Variants in CLXN observed in about 807,000 individuals in gnomAD.
CLXN encodes EF-hand calcium binding domain 1.
the CLXN span, chr8:48,712,462 A>G: frequency 6.6e-6 from 1 of 152,288 alleles, no homozygotes. Flanking sequence ...GTGTGGAGCA[A>G]AACAGAAAAG....
At chr8:48,732,609 A>C in the CLXN span, among the ~76,000 whole-genome samples, 1 of 152,212 alleles carries the variant, frequency 6.6e-6, no homozygotes, top group African/African-American at 2.4e-5. Context: ...TGCGTGATCC[A>C]GGAATTCTAC....
At chr8:48,735,058 G>A in the CLXN span, 7 of 1,612,978 alleles carry the variant, frequency 4.3e-6, no homozygotes, top group African/African-American at 6.7e-5. Context: ...CTCGGTCCAG[G>A]AGCCTCGGCC....
At chr8:48,726,718 C>T in the CLXN span, among the ~76,000 whole-genome samples, 3 of 140,638 alleles carry the variant, frequency 2.1e-5, no homozygotes, top group Non-Finnish European at 4.6e-5. Flanking sequence ...CACCTACCTA[C>T]CTCACCCATC....
the CLXN span, among the ~76,000 whole-genome samples, chr8:48,729,458 T>A: frequency 6.6e-6 from 1 of 151,196 alleles, no homozygotes; most frequent in African/African-American, 2.4e-5. Flanking sequence ...AAGAGTTTGA[T>A]GATGCAGTGA....
chr8:48,722,762 C>A, the CLXN span, among the ~76,000 whole-genome samples: 7 of 65,854 alleles, frequency 1.1e-4, no homozygotes, highest in African/African-American at 4.1e-4. Context: ...CCTGTCTCCC[C>A]ATTACACACA....
At chr8:48,735,286 T>A in the CLXN span, 2 of 998,154 alleles carry the variant, frequency 2.0e-6, no homozygotes, top group African/African-American at 1.6e-5. Flanking sequence ...TGCGCGGCCC[T>A]AACAGACGGT....
the CLXN span, chr8:48,730,054 C>T: frequency 2.1e-6 from 1 of 469,700 alleles, no homozygotes; most frequent in Non-Finnish European, 3.6e-6. Flanking sequence ...AAAATATTTC[C>T]TGATTCTCAA....
chr8:48,724,735 T>G, the CLXN span: 1 of 1,604,720 alleles, frequency 6.2e-7, no homozygotes, highest in Non-Finnish European at 8.5e-7. Context: ...TATAGACATT[T>G]AGTTATTCAC....
At chr8:48,734,071 T>A in the CLXN span, among the ~76,000 whole-genome samples, 8,233 of 152,206 alleles carry the variant, frequency 0.054, 340 homozygotes, top group African/African-American at 0.11. Context: ...ACCATAATAT[T>A]CATTTATATC....
chr8:48,726,484 T>TCATC, the CLXN span, among the ~76,000 whole-genome samples: 27,412 of 105,080 alleles, frequency 0.26, 3,436 homozygotes, highest in Middle Eastern at 0.39. Flanking sequence ...ATCCATCCAT[T>TCATC]CATCCATCCA....
the CLXN span, among the ~76,000 whole-genome samples, chr8:48,731,799 C>T: frequency 6.7e-4 from 102 of 152,210 alleles, 1 homozygote; most frequent in African/African-American, 2.2e-3. Context: ...AGTAGAAATA[C>T]GTCTCAAAAT....
chr8:48,718,068 G>A, the CLXN span, among the ~76,000 whole-genome samples: 1 of 152,132 alleles, frequency 6.6e-6, no homozygotes, highest in African/African-American at 2.4e-5. Flanking sequence ...GAAAGATCCA[G>A]CAATACGCTG....
chr8:48,718,132 G>A, the CLXN span, among the ~76,000 whole-genome samples: 22 of 152,060 alleles, frequency 1.4e-4, no homozygotes, highest in Non-Finnish European at 2.2e-4. Context: ...AAAGTTAAAG[G>A]ATGGAAAAAG....
the CLXN span, chr8:48,723,551 G>C: frequency 6.6e-6 from 1 of 152,156 alleles, no homozygotes; most frequent in Non-Finnish European, 1.5e-5. Flanking sequence ...TTTAGATGAG[G>C]ATAGAACAGA....
the CLXN span, among the ~76,000 whole-genome samples, chr8:48,730,953 A>T: frequency 6.6e-6 from 1 of 152,128 alleles, no homozygotes; most frequent in African/African-American, 2.4e-5. Context: ...TATGAATATA[A>T]ATAAAATACT....
chr8:48,731,480 G>A, the CLXN span: 82 of 1,608,170 alleles, frequency 5.1e-5, no homozygotes, highest in Non-Finnish European at 6.7e-5. Flanking sequence ...AGCTTTATAA[G>A]ACAGTTCACT....
At chr8:48,728,381 C>T in the CLXN span, among the ~76,000 whole-genome samples, 1 of 152,084 alleles carries the variant, frequency 6.6e-6, no homozygotes, top group African/African-American at 2.4e-5. Flanking sequence ...CTTTGAAAAC[C>T]AGTTACTCTG....
At chr8:48,728,460 G>A in the CLXN span, among the ~76,000 whole-genome samples, 1 of 152,026 alleles carries the variant, frequency 6.6e-6, no homozygotes, top group Non-Finnish European at 1.5e-5. Context: ...CTCTTCTCAA[G>A]TTCCACAACA....
chr8:48,713,772 AG>A, the CLXN span: 1 of 152,240 alleles, frequency 6.6e-6, no homozygotes, highest in African/African-American at 2.4e-5. Context: ...AAGCAATTGC[AG>A]GCCTGGTTTC....
Sources: allele counts gnomAD v4.1 joint callset (sites outside exome capture counted in the v4.1 genomes callset), GRCh38; gene constraint gnomAD v4.1.1; transcripts MANE v1.5; gene names NCBI Gene and HGNC (gene_info 2026-07-23, HGNC 2026-07-21).